The following MYOM1 variants were observed in gnomAD, a reference collection of about 807,000 sequenced individuals.
MYOM1 encodes myomesin-1.
Under a neutral mutation model 205.3 loss-of-function variants are expected in MYOM1, and 164 were observed. That is an observed-to-expected ratio of 0.80 (90% confidence interval 0.70 to 0.91). The LOEUF is 0.91. MYOM1 is among the 40% of genes least tolerant of loss of function. The pLI is 0.00. For missense variants in MYOM1, 2,011 were observed against 2,127.3 expected (o/e 0.95, Z 1.08); for synonymous variants, 772 against 789.4 (o/e 0.98, Z 0.37).
intron 33 of MYOM1, 96 bp from the exon 34 acceptor site, chr18:3,079,438 A>G (rs1279536924): frequency 7.3e-7 from 1 of 1,369,048 alleles, no homozygotes; most frequent in Non-Finnish European, 9.8e-7. Context: ...AAAGTTTTGT[A>G]GGCTTTCAAA....
At chr18:3,241,492 G>C in the MYOM1 span, among the ~76,000 whole-genome samples, 1 of 152,186 alleles carries the variant, frequency 6.6e-6, no homozygotes, top group Non-Finnish European at 1.5e-5. Context: ...TTGGGGTTTG[G>C]GAAACTCCAC....
rs1401166706 is a variant in MYOM1, at chr18:3,085,231, T to G, written c.4252-99A>C. 128 of 4,390 alleles carry G rather than the reference T, an allele frequency of 0.029. 2 individuals carry two copies. The South Asian group carries it at 0.34, about 12-fold the overall frequency. 0.3% of individuals were successfully genotyped at this position (4,390 alleles called of 1,614,324 possible). A position where few individuals can be genotyped will look rare whatever the true frequency, so the allele number is the denominator to read the frequency against. On this transcript the variant is annotated intron_variant, in intron 30 of 37. Coordinates refer to ENST00000356443, the MANE Select transcript of MYOM1 (RefSeq NM_003803.4). ...TTCTGCTTCTTCTGCTGCTGCTGCT[T>G]TTTTTTTTTTTTTTTTTTTTTTTTT...
chr18:3,072,241 G>A (rs1229380656), intron 36 of MYOM1, among the ~76,000 whole-genome samples: 11 of 151,476 alleles, frequency 7.3e-5, no homozygotes. Flanking sequence ...AGTAGAGATG[G>A]GGTTTTGCCA....
chr18:3,155,456 C>A (rs1045440442), intron 10 of MYOM1, among the ~76,000 whole-genome samples: 5 of 152,320 alleles, frequency 3.3e-5, no homozygotes, highest in Admixed American at 2.0e-4. Context: ...GATCTCCTGA[C>A]CTTGTGATCC....
intron 17 of MYOM1, 81 bp from the exon 18 acceptor site, chr18:3,129,600 A>G: frequency 7.0e-7 from 1 of 1,428,224 alleles, no homozygotes; most frequent in Non-Finnish European, 9.4e-7. Context: ...ACAAAGAGAA[A>G]AACATTAGGA....
At chr18:3,137,373 C>T (rs1242633072) in intron 14 of MYOM1, among the ~76,000 whole-genome samples, 1 of 152,130 alleles carries the variant, frequency 6.6e-6, no homozygotes, top group East Asian at 1.9e-4. Context: ...ATCTGTACTC[C>T]CATGTTTATT....
At chr18:3,069,861 G>A (rs1001374663) in intron 37 of MYOM1, among the ~76,000 whole-genome samples, 2 of 152,184 alleles carry the variant, frequency 1.3e-5, no homozygotes, top group African/African-American at 2.4e-5. Context: ...CTAGAGAGTT[G>A]TATATTTTTA....
the MYOM1 span, among the ~76,000 whole-genome samples, chr18:3,239,699 G>C: frequency 7.1e-6 from 1 of 141,318 alleles, no homozygotes; most frequent in Non-Finnish European, 1.5e-5. Flanking sequence ...CAAGGCTGCA[G>C]TGAGCCATGA....
chr18:3,136,789 T>C (rs2079972830), intron 14 of MYOM1, among the ~76,000 whole-genome samples: 1 of 152,196 alleles, frequency 6.6e-6, no homozygotes, highest in African/African-American at 2.4e-5. Context: ...TTTATTCTTC[T>C]TCAATCATGT....
intron 22 of MYOM1, 95 bp from the exon 23 acceptor site, chr18:3,102,725 A>G: frequency 2.2e-6 from 3 of 1,343,488 alleles, no homozygotes; most frequent in Non-Finnish European, 3.1e-6. Context: ...ACCCTAAAGT[A>G]GGGCCCTGAT....
At position 3,147,122 on chromosome 18, in the gene MYOM1, A is replaced by G. The variant is rs529936789; in HGVS notation, c.1900+2023T>C. 8.5e-4 allele frequency among the ~76,000 whole-genome samples: 94 copies of G among 111,086 alleles called. 1 individual carries two copies. The South Asian group carries it at 0.017, about 20-fold the overall frequency. The allele number at this position is 111,086 out of a possible 152,430, so 72.9% of individuals were successfully genotyped here. Reference sequence around the variant, plus strand: ...GATAAATATATATATTTATATATAAATATTATATATTATAGATAAATATAT... The same window carrying G: ...GATAAATATATATATTTATATATAAGTATTATATATTATAGATAAATATAT... On this transcript the variant is annotated intron_variant, in intron 13 of 37. Coordinates refer to ENST00000356443, the MANE Select transcript of MYOM1 (RefSeq NM_003803.4).
chr18:3,212,721 T>A (rs2081205681), intron 2 of MYOM1, among the ~76,000 whole-genome samples: 1 of 152,256 alleles, frequency 6.6e-6, no homozygotes, highest in Non-Finnish European at 1.5e-5. Flanking sequence ...GTAATCTTTC[T>A]CTATTACATG....
chr18:3,089,157 A>T lies in MYOM1; in HGVS notation c.4137+17T>A. 4 of 1,576,360 alleles carry T rather than the reference A, an allele frequency of 2.5e-6. No individual in the cohort carries two copies. Among genetic ancestry groups the T allele is most frequent in the Non-Finnish European group, 3.5e-6 (4 of 1,152,476 alleles). Reference sequence around the variant, plus strand: ...ATTTCCCTTGAATCAAATATTAAAAATTTATCTACCTCTTACCTTGCATTT... The same window carrying T: ...ATTTCCCTTGAATCAAATATTAAAATTTTATCTACCTCTTACCTTGCATTT... On this transcript the variant is annotated intron_variant, in intron 29 of 37. Coordinates refer to ENST00000356443, the MANE Select transcript of MYOM1 (RefSeq NM_003803.4).
intron 3 of MYOM1, 126 bp downstream of exon 3, chr18:3,193,692 G>T: frequency 2.1e-6 from 2 of 972,794 alleles, no homozygotes; most frequent in Non-Finnish European, 2.9e-6. Flanking sequence ...TCTAACAAGT[G>T]CTCAATAAAT....
At chr18:3,156,700 G>T (rs1470105198) in intron 10 of MYOM1, among the ~76,000 whole-genome samples, 1 of 151,926 alleles carries the variant, frequency 6.6e-6, no homozygotes, top group African/African-American at 2.4e-5. Flanking sequence ...CCACCTCCCG[G>T]GTTCACGCCA....
chr18:3,091,871 AC>A (rs1346042199), intron 26 of MYOM1, among the ~76,000 whole-genome samples: 1 of 152,086 alleles, frequency 6.6e-6, no homozygotes, highest in Non-Finnish European at 1.5e-5. Context: ...AGCTGGGACT[AC>A]AGGCGTGTGC....
At chr18:3,192,407 C>T (rs1303633238) in intron 3 of MYOM1, among the ~76,000 whole-genome samples, 3 of 152,320 alleles carry the variant, frequency 2.0e-5, no homozygotes, top group African/African-American at 7.2e-5. Flanking sequence ...TTATTTATCC[C>T]TTTACCTTCC....
intron 1 of MYOM1, among the ~76,000 whole-genome samples, chr18:3,218,497 A>G (rs79181191): frequency 0.016 from 2,502 of 152,304 alleles, 74 homozygotes; most frequent in African/African-American, 0.057. Context: ...AGGGAAAAAA[A>G]TAGCTACTAG....
upstream of MYOM1, among the ~76,000 whole-genome samples, chr18:3,223,159 G>C (rs2081338837): frequency 6.6e-6 from 1 of 152,170 alleles, no homozygotes; most frequent in Admixed American, 6.5e-5. Context: ...GGGATTACAG[G>C]TGTGAGCCAC....
Sources: gnomAD v4.1 joint callset for allele counts (sites outside exome capture counted in the v4.1 genomes callset) on GRCh38, gnomAD v4.1.1 for gene constraint, MANE v1.5 for transcripts, NCBI Gene and HGNC (gene_info 2026-07-23, HGNC 2026-07-21) for gene names.